Variants in MED13 observed in about 807,000 individuals in gnomAD.
The protein encoded by MED13 is mediator of RNA polymerase II transcription subunit 13.
A neutral mutation model predicts 225.2 loss-of-function variants in MED13; 23 were observed. The observed-to-expected ratio is 0.10, with a 90% confidence interval of 0.07 to 0.14. MED13 has a LOEUF of 0.14. Among genes scored for constraint, MED13 ranks in the 10% least tolerant of loss-of-function variants. MED13 has a pLI of 1.00. For synonymous variants in MED13, 942 were observed against 889.2 expected (o/e 1.06, Z -1.06); for missense variants, 2,197 against 2,594.5 (o/e 0.85, Z 3.33).
rs60236710 is a variant in MED13, at chr17:62,008,016, C to CAAAAAAAAAAAAAAAA, written c.1967+2518_1967+2533dup. ...CCTGGAGGAAAGAGCGAGACTGTCT[C>CAAAAAAAAAAAAAAAA]AAAAAAAAAAAAAAAAAAAAGCTGT... On this transcript the variant is annotated intron_variant, in intron 9 of 29. Coordinates refer to ENST00000397786, the MANE Select transcript of MED13 (RefSeq NM_005121.3). Among the ~76,000 whole-genome samples, 36 of 50,498 alleles carry CAAAAAAAAAAAAAAAA rather than the reference C, an allele frequency of 7.1e-4. 2 individuals are homozygous for CAAAAAAAAAAAAAAAA. Among genetic ancestry groups the CAAAAAAAAAAAAAAAA allele is most frequent in the African/African-American group, 2.2e-3 (33 of 14,686 alleles). 33.1% of individuals were successfully genotyped at this position (50,498 alleles called of 152,430 possible). A position where few individuals can be genotyped will look rare whatever the true frequency, so the allele number is the denominator to read the frequency against.
chr17:61,965,908 T>A (rs1469954276), intron 19 of MED13, among the ~76,000 whole-genome samples: 1 of 152,034 alleles, frequency 6.6e-6, no homozygotes, highest in Non-Finnish European at 1.5e-5. Context: ...GATTCAATAT[T>A]TTGGTTCTGC....
At chr17:61,959,876 GCCACTATGC>G (rs1057234820) in intron 23 of MED13, among the ~76,000 whole-genome samples, 1 of 151,822 alleles carries the variant, frequency 6.6e-6, no homozygotes, top group African/African-American at 2.4e-5. Flanking sequence ...CTACAGGTGG[GCCACTATGC>G]CCAGCTAATA....
In MED13 at chr17:61,946,336, A is replaced by G. The variant is rs922738077; in HGVS notation, c.*132T>C. The G allele has an allele frequency of 1.0e-5, 11 of 1,095,444 alleles. No homozygotes were observed. The highest frequency in any genetic ancestry group is 3.3e-5 in the South Asian group (2 of 60,216). 67.9% of individuals were successfully genotyped at this position (1,095,444 alleles called of 1,614,324 possible). A position where few individuals can be genotyped will look rare whatever the true frequency, so the allele number is the denominator to read the frequency against. ...TAGCCCCTCCCCCCAAGTCAAAACAATATTTGTTGAAGTAATAAGAATTAG... is the reference window on the plus strand; with the variant it reads ...TAGCCCCTCCCCCCAAGTCAAAACAGTATTTGTTGAAGTAATAAGAATTAG... On this transcript the variant is annotated 3_prime_UTR_variant, in exon 30 of 30. Coordinates refer to ENST00000397786, the MANE Select transcript of MED13 (RefSeq NM_005121.3).
In MED13 at chr17:62,031,514, A is replaced by T. The variant is rs2080756533; in HGVS notation, c.939T>A (p.Ala313=). The T allele has an allele frequency of 1.9e-6, 3 of 1,613,926 alleles. No homozygotes were observed. The highest frequency in any genetic ancestry group is 2.5e-6 in the Non-Finnish European group (3 of 1,179,970). ...SSCLGVHQVP[A]STRDPAMSSV... Reference sequence around the variant, plus strand: ...AAGACATAGCAGGATCTCTTGTGGAAGCAGGCACTTGGTGGACACCCAAGC... The same window carrying T: ...AAGACATAGCAGGATCTCTTGTGGATGCAGGCACTTGGTGGACACCCAAGC... The change falls in exon 6 of 30, where the codon GCT becomes GCA. Residue 313 remains alanine, a synonymous_variant. Transcript: ENST00000397786.
chr17:62,051,465 GTAGT>G (rs1337995625), intron 3 of MED13, among the ~76,000 whole-genome samples: 1 of 152,090 alleles, frequency 6.6e-6, no homozygotes, highest in Admixed American at 6.6e-5. Flanking sequence ...CATAAGCCAA[GTAGT>G]TAATGTTGTT....
intron 17 of MED13, among the ~76,000 whole-genome samples, chr17:61,969,232 G>A (rs924153865): frequency 1.3e-5 from 2 of 152,180 alleles, no homozygotes; most frequent in Admixed American, 6.6e-5. Flanking sequence ...GTGCATGCCT[G>A]TAATCCCAGC....
intron 2 of MED13, among the ~76,000 whole-genome samples, chr17:62,060,919 C>CT (rs1358764947): frequency 6.6e-6 from 1 of 151,950 alleles, no homozygotes; most frequent in East Asian, 2.0e-4. Context: ...AGGATGGTCT[C>CT]TATCTCCTGA....
Position 62,063,059 on chromosome 17 carries a change from T to C in MED13, c.301+8A>G, listed in dbSNP as rs1031364740. ...TATCATTAGTTAGAAATGGAAAGTT[T>C]CTTTCACCTGATAAGTCATGGTGAA... On this transcript the variant is annotated splice_region_variant and intron_variant, in intron 2 of 29. Transcript: ENST00000397786. The C allele has an allele frequency of 1.1e-5, 17 of 1,603,104 alleles. No homozygotes were observed. The highest frequency in any genetic ancestry group is 1.5e-5 in the Non-Finnish European group (17 of 1,170,594).
At chr17:62,025,943 T>C (rs370947598) in intron 8 of MED13, among the ~76,000 whole-genome samples, 1 of 152,226 alleles carries the variant, frequency 6.6e-6, no homozygotes, top group African/African-American at 2.4e-5. Flanking sequence ...ATTCAATTTA[T>C]GCAAAAACAT....
intron 5 of MED13, among the ~76,000 whole-genome samples, chr17:62,033,513 TG>T (rs2080775876): frequency 6.6e-6 from 1 of 152,220 alleles, no homozygotes; most frequent in Admixed American, 6.5e-5. Context: ...TACACTTACA[TG>T]GTTAGGTTCA....
At chr17:62,059,342 C>A (rs1457248634) in intron 2 of MED13, among the ~76,000 whole-genome samples, 7 of 152,138 alleles carry the variant, frequency 4.6e-5, no homozygotes, top group Non-Finnish European at 8.8e-5. Context: ...GAATTCTAAT[C>A]TTTGAAAAAA....
intron 9 of MED13, 197 bp downstream of exon 9, chr17:62,010,353 C>T: frequency 2.5e-6 from 1 of 400,986 alleles, no homozygotes; most frequent in Non-Finnish European, 4.3e-6. Context: ...ATTTTCTCCA[C>T]TTTTTGTGGC....
At position 62,015,825 on chromosome 17, in the gene MED13, CTA is replaced by C. The variant is rs1555638985; in HGVS notation, c.1284-4594_1284-4593del. On this transcript the variant is annotated intron_variant, in intron 8 of 29. Transcript: ENST00000397786. Reference sequence around the variant, plus strand: ...ATATATCTATATATATACATACACACTATATATATACACACACACTATATATA... The same window carrying C: ...ATATATCTATATATATACATACACACTATATATACACACACACTATATATA... Among the ~76,000 whole-genome samples, 609 of 89,276 alleles carry C rather than the reference CTA, an allele frequency of 6.8e-3. 8 individuals carry two copies. Among genetic ancestry groups the C allele is most frequent in the African/African-American group, 0.021 (576 of 27,462 alleles). 58.6% of individuals were successfully genotyped at this position (89,276 alleles called of 152,430 possible).
chr17:62,041,549 T>C (rs2080852629), intron 3 of MED13, among the ~76,000 whole-genome samples: 1 of 152,150 alleles, frequency 6.6e-6, no homozygotes, highest in Admixed American at 6.5e-5. Flanking sequence ...TACGTACATT[T>C]TACCACAATA....
intron 18 of MED13, among the ~76,000 whole-genome samples, chr17:61,967,455 A>T (rs1023979570): frequency 6.6e-6 from 1 of 152,238 alleles, no homozygotes; most frequent in Non-Finnish European, 1.5e-5. Flanking sequence ...TGTATAAGGA[A>T]TCAAAATTTA....
chr17:61,958,241 C>G (rs2079966596), intron 23 of MED13, among the ~76,000 whole-genome samples: 1 of 152,012 alleles, frequency 6.6e-6, no homozygotes. Flanking sequence ...GGTCTCGGCT[C>G]ATGGCAATTT....
In MED13 at chr17:62,014,169, T is replaced by C. The variant is rs138288845; in HGVS notation, c.1284-2936A>G. On this transcript the variant is annotated intron_variant, in intron 8 of 29. Coordinates refer to ENST00000397786, the MANE Select transcript of MED13 (RefSeq NM_005121.3). The stretch of plus-strand genomic sequence containing the variant: ...ACTGTCTCTCTCTGACGTAACATAA[T>C]ACAAAGCAACACAGCCACCATCTAT... Among the ~76,000 whole-genome samples the C allele has an allele frequency of 1.2e-3, 177 of 152,098 alleles. No homozygotes were observed. The East Asian group carries it at 0.03, about 26-fold the overall frequency.
rs200078391 is a variant in MED13 at position 61,962,969 on chromosome 17, G to A, written c.4847C>T (p.Thr1616Met). ...TQPHPDVSES[T>M]MDRDKVGIPT... ...GATTCCCACTTTATCCCGATCCATC[G>A]TGCTAAAATTTAAGGTAGAAATGAG... Residue 1616 changes from threonine to methionine, a missense_variant and splice_region_variant, in exon 21 of 30, where the codon ACG (threonine) becomes ATG (methionine). Around this residue, in one of 12 missense-constraint regions of MED13, gnomAD observed 457 missense variants for 442.2 expected, o/e 1.03. Coordinates refer to ENST00000397786, the MANE Select transcript of MED13 (RefSeq NM_005121.3). 6.5e-5 allele frequency: 105 copies of A among 1,613,716 alleles called. No homozygotes were observed. The African/African-American group carries it at 9.1e-4, about 14-fold the overall frequency.
chr17:62,020,685 CTTTTT>C (rs78598460), intron 8 of MED13, among the ~76,000 whole-genome samples: 2 of 100,792 alleles, frequency 2.0e-5, no homozygotes, highest in African/African-American at 3.6e-5. Context: ...GGCCTGCTTT[CTTTTT>C]TTTTTTTTTT....
Sources: gnomAD v4.1 joint callset for allele counts (sites outside exome capture counted in the v4.1 genomes callset) on GRCh38, gnomAD v4.1.1 for gene constraint, gnomAD v4.1.1 regional missense constraint, MANE v1.5 for transcripts, NCBI Gene and HGNC (gene_info 2026-07-23, HGNC 2026-07-21) for gene names.